CHODL: variants seen among roughly 807,000 people sequenced by gnomAD.
CHODL encodes transmembrane protein MT75.
Under a neutral mutation model 34.5 loss-of-function variants are expected in CHODL, and 29 were observed. The ratio of observed to expected loss-of-function variants is 0.84; its 90% CI spans 0.63 to 1.15. The LOEUF is 1.15. CHODL is among the 50% of genes most tolerant of loss of function. CHODL has a pLI of 0.00. For missense variants in CHODL, 332 were observed against 332.5 expected, an observed-to-expected ratio of 1.00 and a Z score of 0.01; for synonymous variants, 125 against 116.1, an observed-to-expected ratio of 1.08 and a Z score of -0.49.
At chr21:17,989,055 C>G (rs2063777217) in intron 1 of CHODL, among the ~76,000 whole-genome samples, 1 of 152,060 alleles carries the variant, frequency 6.6e-6, no homozygotes. Flanking sequence ...TAATGTTTGC[C>G]AAATGCTTAC....
chr21:18,047,707 A>G (rs923408604), intron 2 of CHODL, among the ~76,000 whole-genome samples: 2 of 151,886 alleles, frequency 1.3e-5, no homozygotes, highest in Admixed American at 6.6e-5. Flanking sequence ...TTCAGCCTCA[A>G]TGTAGTAAGA....
intron 1 of CHODL, among the ~76,000 whole-genome samples, chr21:18,012,657 T>C (rs896684729): frequency 3.3e-5 from 5 of 152,176 alleles, no homozygotes; most frequent in African/African-American, 1.2e-4. Context: ...CTGTGTACTC[T>C]CTCTTCTTAC....
chr21:18,100,132 T>A (rs1482598684), intron 2 of CHODL: 1 of 152,046 alleles, frequency 6.6e-6, no homozygotes, highest in Non-Finnish European at 1.5e-5. Flanking sequence ...AATAACACCC[T>A]AAGTAGACAA....
chr21:18,071,737 TATTTCTATTAC>T (rs1467012359), intron 2 of CHODL, among the ~76,000 whole-genome samples: 1 of 152,208 alleles, frequency 6.6e-6, no homozygotes, highest in Non-Finnish European at 1.5e-5. Flanking sequence ...ATTACATTTC[TATTTCTATTAC>T]ATTTCTATTT....
chr21:17,979,650 A>G (rs2063698201), intron 1 of CHODL, among the ~76,000 whole-genome samples: 1 of 152,230 alleles, frequency 6.6e-6, no homozygotes, highest in Non-Finnish European at 1.5e-5. Flanking sequence ...AGATCTCAAA[A>G]TTGAAGGAGC....
At chr21:18,004,693 A>G (rs1011662654) in intron 1 of CHODL, among the ~76,000 whole-genome samples, 2 of 152,226 alleles carry the variant, frequency 1.3e-5, no homozygotes, top group African/African-American at 2.4e-5. Flanking sequence ...AAACTCTTAC[A>G]TACCCATACA....
chr21:18,113,674 C>T (rs987975081), intron 2 of CHODL, among the ~76,000 whole-genome samples: 1 of 152,140 alleles, frequency 6.6e-6, no homozygotes, highest in African/African-American at 2.4e-5. Flanking sequence ...CACCCATGAT[C>T]CAGTCACCTC....
intron 1 of CHODL, among the ~76,000 whole-genome samples, chr21:17,988,542 T>TC (rs1455516403): frequency 1.4e-5 from 1 of 69,484 alleles, no homozygotes; most frequent in Non-Finnish European, 2.7e-5. Context: ...AAGCTATCCC[T>TC]CCCCCCTCCC....
chr21:18,054,189 T>A (rs1015812876), intron 2 of CHODL, among the ~76,000 whole-genome samples: 1 of 151,932 alleles, frequency 6.6e-6, no homozygotes, highest in Non-Finnish European at 1.5e-5. Context: ...TATCCATATA[T>A]CCATATACAT....
At chr21:18,003,133 A>AAC (rs2063926052) in intron 1 of CHODL, among the ~76,000 whole-genome samples, 1 of 128,904 alleles carries the variant, frequency 7.8e-6, no homozygotes, top group South Asian at 2.3e-4. Flanking sequence ...AAAAAAAAAA[A>AAC]AACAAAAAAA....
At chr21:18,016,447 G>T (rs546710213) in intron 1 of CHODL, among the ~76,000 whole-genome samples, 1 of 152,310 alleles carries the variant, frequency 6.6e-6, no homozygotes, top group Admixed American at 6.5e-5. Flanking sequence ...AAAATGCCTT[G>T]ATGTCCAGGC....
intron 1 of CHODL, among the ~76,000 whole-genome samples, chr21:17,997,323 G>A (rs2146395344): frequency 6.6e-6 from 1 of 152,274 alleles, no homozygotes; most frequent in East Asian, 1.9e-4. Flanking sequence ...CCTCACTTTG[G>A]CTTCTGCCTT....
chr21:18,115,271 T>C (rs1379384686), intron 2 of CHODL, among the ~76,000 whole-genome samples: 1 of 152,162 alleles, frequency 6.6e-6, no homozygotes. Context: ...GTGAAAATAA[T>C]CAGGATCCTG....
chr21:17,985,345 C>G (rs1418047958), intron 1 of CHODL, among the ~76,000 whole-genome samples: 1 of 152,142 alleles, frequency 6.6e-6, no homozygotes, highest in African/African-American at 2.4e-5. Context: ...ATTGAGTTAT[C>G]TGCTTCTCAA....
chr21:18,089,439 C>T (rs2065045589), intron 2 of CHODL, among the ~76,000 whole-genome samples: 1 of 152,064 alleles, frequency 6.6e-6, no homozygotes, highest in South Asian at 2.1e-4. Context: ...GAATTATTTT[C>T]ACATTTATAT....
intron 2 of CHODL, among the ~76,000 whole-genome samples, chr21:18,097,458 G>T (rs1024241763): frequency 6.6e-6 from 1 of 151,870 alleles, no homozygotes; most frequent in East Asian, 1.9e-4. Flanking sequence ...GAAATAAAAA[G>T]GTAATCCCAT....
chr21:17,961,883 A>G (rs779604555), intron 1 of CHODL, among the ~76,000 whole-genome samples: 21 of 152,238 alleles, frequency 1.4e-4, no homozygotes, highest in Non-Finnish European at 8.8e-5. Context: ...TGGAGAAGAA[A>G]GGGTCTAGTA....
chr21:18,133,281 C>G (rs1251059513), intron 2 of CHODL, among the ~76,000 whole-genome samples: 1 of 152,110 alleles, frequency 6.6e-6, no homozygotes, highest in African/African-American at 2.4e-5. Flanking sequence ...TGTCTCTTTT[C>G]TATGCCTGCA....
intron 1 of CHODL, among the ~76,000 whole-genome samples, chr21:17,977,376 T>C (rs2146369781): frequency 6.6e-6 from 1 of 150,916 alleles, no homozygotes; most frequent in South Asian, 2.1e-4. Context: ...TTTTTTTTTT[T>C]TTTTGAGATG....
Sources: gnomAD v4.1 joint callset for allele counts (sites outside exome capture counted in the v4.1 genomes callset) on GRCh38, gnomAD v4.1.1 for gene constraint, MANE v1.5 for transcripts, NCBI Gene and HGNC (gene_info 2026-07-23, HGNC 2026-07-21) for gene names.